The following CCN4 variants were observed in gnomAD, a reference collection of about 807,000 sequenced individuals.
The protein encoded by CCN4 is cellular communication network factor 4, also known as CCN family member 4.
A neutral mutation model predicts 36.7 loss-of-function variants in CCN4; 30 were observed. That is an observed-to-expected ratio of 0.82 (90% CI 0.61 to 1.11). CCN4 has a LOEUF of 1.11. CCN4 is among the 50% of genes least tolerant of loss of function. CCN4 has a pLI of 0.00. For missense variants in CCN4, 505 were observed against 504.9 expected, an observed-to-expected ratio of 1.00 and a Z score of 0.00; for synonymous variants, 191 against 195.4, an observed-to-expected ratio of 0.98 and a Z score of 0.19.
Position 133,192,659 on chromosome 8 carries a change from G to A in CCN4, c.69+1446G>A, listed in dbSNP as rs547312750. Among the ~76,000 whole-genome samples the A allele has an allele frequency of 9.2e-5, 14 of 152,352 alleles. No individual in the cohort carries two copies. In the South Asian group the frequency reaches 2.9e-3, roughly 32 times the overall value. On this transcript the variant is annotated intron_variant, in intron 1 of 4. Transcript: ENST00000250160. Reference sequence around the variant, plus strand: ...GTTTATTTCGGCTCTGGGTATGGCTGCGCCTTTATTTGGGTATAGCTTTGC... The same window carrying A: ...GTTTATTTCGGCTCTGGGTATGGCTACGCCTTTATTTGGGTATAGCTTTGC...
intron 1 of CCN4, among the ~76,000 whole-genome samples, chr8:133,195,961 A>C (rs1479404890): frequency 2.0e-5 from 3 of 152,212 alleles, no homozygotes; most frequent in African/African-American, 7.2e-5. Flanking sequence ...GTGGCGAAGC[A>C]GCCATGGTCC....
At position 133,228,507 on chromosome 8, in the gene CCN4, C is replaced by T. The variant is rs2130632068; in HGVS notation, c.*797C>T. 6.6e-6 allele frequency: 1 copy of T among 152,412 alleles called. No individual in the cohort carries two copies. The highest frequency in any genetic ancestry group is 2.1e-4 in the South Asian group (1 of 4,822). 9.4% of individuals were successfully genotyped at this position (152,412 alleles called of 1,614,324 possible). A position where few individuals can be genotyped will look rare whatever the true frequency, so the allele number is the denominator to read the frequency against. On this transcript the variant is annotated 3_prime_UTR_variant, in exon 5 of 5. Transcript: ENST00000250160. The stretch of plus-strand genomic sequence containing the variant: ...CTGAATCAGCTGCTGACTGGCAGGG[C>T]TTTGGGCAGTTGGCCAGGCTCTTCC...
chr8:133,227,490 C>A lies in CCN4; in HGVS notation c.884C>A (p.Ser295Tyr). The A allele has an allele frequency of 6.2e-7, 1 of 1,614,166 alleles. No individual in the cohort carries two copies. The highest frequency in any genetic ancestry group is 1.3e-5 in the African/African-American group (1 of 75,038). Residue 295 changes from serine (S) to tyrosine (Y), a missense_variant, in exon 5 of 5, where the codon TCC becomes TAC. Transcript: ENST00000250160. ...FTLAGCISTR[S>Y]YQPKYCGVCM... is the part of the protein sequence containing the mutation. The stretch of plus-strand genomic sequence containing the variant: ...CTTGCGGGCTGCATCAGCACACGCT[C>A]CTATCAACCCAAGTACTGTGGAGTT...
chr8:133,217,560 C>G (rs1372729059), intron 2 of CCN4, among the ~76,000 whole-genome samples: 1 of 152,224 alleles, frequency 6.6e-6, no homozygotes, highest in Non-Finnish European at 1.5e-5. Flanking sequence ...ATGCATCCCA[C>G]TAGCCTGTGG....
At chr8:133,194,414 G>T (rs1173558333) in intron 1 of CCN4, among the ~76,000 whole-genome samples, 2 of 109,084 alleles carry the variant, frequency 1.8e-5, no homozygotes, top group African/African-American at 3.8e-5. Context: ...GTGTGGATTT[G>T]TGTGGTGTGT....
chr8:133,210,797 C>G (rs1361099630), intron 1 of CCN4, among the ~76,000 whole-genome samples: 1 of 152,220 alleles, frequency 6.6e-6, no homozygotes, highest in Non-Finnish European at 1.5e-5. Context: ...AATTTCTGAG[C>G]CTGCCTAGTG....
rs747939835 is a variant in CCN4 at position 133,225,373 on chromosome 8, C to G, written c.611-17C>G. 44 of 1,574,248 alleles carry G rather than the reference C, an allele frequency of 2.8e-5. 1 individual carries two copies. The highest frequency in any genetic ancestry group is 2.1e-4 in the Admixed American group (12 of 57,090). Reference sequence around the variant, plus strand: ...TGGGAGCTGTAGATTCATGCAGATTCTGTTCCCCACACACAGATGCTGTGG... The same window carrying G: ...TGGGAGCTGTAGATTCATGCAGATTGTGTTCCCCACACACAGATGCTGTGG... On this transcript the variant is annotated splice_polypyrimidine_tract_variant and intron_variant, in intron 3 of 4. Coordinates refer to ENST00000250160, the MANE Select transcript of CCN4 (RefSeq NM_003882.4).
rs1854616903 is a variant in CCN4 at position 133,223,680 on chromosome 8, CTT to C, written c.611-1708_611-1707del. On this transcript the variant is annotated intron_variant, in intron 3 of 4. Transcript: ENST00000250160. Reference sequence around the variant, plus strand: ...GCTTTTTCTCTCTCCTCCTCTCCTTCTTTCTCTCTCTTTTCTCTGAGCTTCCA... The same window carrying C: ...GCTTTTTCTCTCTCCTCCTCTCCTTCTCTCTCTCTTTTCTCTGAGCTTCCA... 2.6e-5 allele frequency among the ~76,000 whole-genome samples: 4 copies of C among 152,056 alleles called. No individual in the cohort carries two copies. In the South Asian group the frequency reaches 8.3e-4, roughly 32 times the overall value.
intron 1 of CCN4, among the ~76,000 whole-genome samples, chr8:133,209,532 G>A (rs1281152174): frequency 2.6e-5 from 4 of 152,244 alleles, no homozygotes; most frequent in African/African-American, 7.2e-5. Context: ...CCCTGTCCAA[G>A]GGAGGACTTC....
At chr8:133,223,826 T>C (rs977957359) in intron 3 of CCN4, among the ~76,000 whole-genome samples, 3 of 152,202 alleles carry the variant, frequency 2.0e-5, no homozygotes, top group African/African-American at 7.2e-5. Flanking sequence ...TGGGCAGTTC[T>C]GTCTTAACAG....
At chr8:133,222,992 C>T (rs889020269) in intron 3 of CCN4, among the ~76,000 whole-genome samples, 1 of 151,962 alleles carries the variant, frequency 6.6e-6, no homozygotes, top group Non-Finnish European at 1.5e-5. Context: ...CTGGCCTCTA[C>T]CCACTAGATG....
rs573840448 is a variant in CCN4, at chr8:133,194,146, G to A, written c.69+2933G>A. 1.1e-4 allele frequency among the ~76,000 whole-genome samples: 16 copies of A among 152,274 alleles called. No homozygotes were observed. The South Asian group carries it at 3.3e-3, about 32-fold the overall frequency. On this transcript the variant is annotated intron_variant, in intron 1 of 4. Coordinates refer to ENST00000250160, the MANE Select transcript of CCN4 (RefSeq NM_003882.4). ...AAGCATTAGGCCTGTGGTGGTCTAT[G>A]TATAGGTCTACAGGTAAAACCCACA...
At chr8:133,205,993 C>T (rs759460623) in intron 1 of CCN4, among the ~76,000 whole-genome samples, 1 of 152,164 alleles carries the variant, frequency 6.6e-6, no homozygotes, top group Non-Finnish European at 1.5e-5. Flanking sequence ...TCTCATTGTC[C>T]ACTAAAGATA....
intron 3 of CCN4, among the ~76,000 whole-genome samples, chr8:133,223,877 G>A (rs576731133): frequency 2.0e-4 from 31 of 152,076 alleles, no homozygotes; most frequent in East Asian, 5.8e-4. Context: ...ACCATTTTCC[G>A]TTTTTCAGAT....
rs1266762359 is a variant in CCN4, at chr8:133,229,293, T to C, written c.*1583T>C. The C allele has an allele frequency of 6.6e-6, 1 of 152,236 alleles. No individual in the cohort carries two copies. Among genetic ancestry groups the C allele is most frequent in the African/African-American group, 2.4e-5 (1 of 41,454 alleles). 9.4% of individuals were successfully genotyped at this position (152,236 alleles called of 1,614,324 possible). On this transcript the variant is annotated 3_prime_UTR_variant, in exon 5 of 5. Coordinates refer to ENST00000250160, the MANE Select transcript of CCN4 (RefSeq NM_003882.4). ...TTTAGAGCTTCCAAATGTGTCAGAA[T>C]AGGAAAACATTGCAATAAATGGCTT...
chr8:133,205,104 G>T (rs768782923), intron 1 of CCN4, among the ~76,000 whole-genome samples: 1 of 152,222 alleles, frequency 6.6e-6, no homozygotes, highest in African/African-American at 2.4e-5. Context: ...AGGAGTCTCA[G>T]TGGGGTAGGT....
At chr8:133,214,624 C>T (rs1477524808) in intron 2 of CCN4, among the ~76,000 whole-genome samples, 1 of 152,038 alleles carries the variant, frequency 6.6e-6, no homozygotes, top group Non-Finnish European at 1.5e-5. Context: ...TTTCTGACCC[C>T]CTGCTTCTGT....
intron 1 of CCN4, among the ~76,000 whole-genome samples, chr8:133,201,744 G>C (rs942912228): frequency 6.6e-6 from 1 of 152,120 alleles, no homozygotes; most frequent in African/African-American, 2.4e-5. Flanking sequence ...TCGGGAGGCT[G>C]AGGGACAAGA....
intron 1 of CCN4, among the ~76,000 whole-genome samples, chr8:133,200,242 C>T (rs1853539138): frequency 6.6e-6 from 1 of 152,220 alleles, no homozygotes; most frequent in African/African-American, 2.4e-5. Flanking sequence ...TTCATCCCAG[C>T]CTGCTCTTGT....
Sources: gnomAD v4.1 joint callset for allele counts (sites outside exome capture counted in the v4.1 genomes callset) on GRCh38, gnomAD v4.1.1 for gene constraint, MANE v1.5 for transcripts, NCBI Gene and HGNC (gene_info 2026-07-23, HGNC 2026-07-21) for gene names.